KLK15: variants seen among roughly 807,000 people sequenced by gnomAD.
KLK15 encodes the protein kallikrein-15.
KLK15 carries 19 observed loss-of-function variants against 21.1 expected under a neutral mutation model. That is an observed-to-expected ratio of 0.90 (90% CI 0.63 to 1.32). The LOEUF (loss-of-function observed/expected upper bound fraction) is 1.32. Among genes scored for constraint, KLK15 ranks in the 40% most tolerant of loss-of-function variants. KLK15 has a pLI of 0.00. For missense variants in KLK15, 345 were observed against 348.6 expected, an observed-to-expected ratio of 0.99 and a Z score of 0.08; for synonymous variants, 141 against 141.5, an observed-to-expected ratio of 1.00 and a Z score of 0.03.
chr19:50,827,938 G>T, intron 1 of KLK15, 123 bp from the exon 3 acceptor site: 2 of 801,512 alleles, frequency 2.5e-6, no homozygotes, highest in African/African-American at 5.0e-5. Context: ...AAGACACCCT[G>T]CCCTGTTTTT....
intron 4 of KLK15, chr19:50,826,305 T>G: frequency 2.2e-6 from 1 of 449,710 alleles, no homozygotes; most frequent in Admixed American, 3.9e-5. Context: ...TCTTCTGCAT[T>G]CCAAACAAAA....
At chr19:50,832,698 G>A (rs891954134), upstream of KLK15, among the ~76,000 whole-genome samples, 4 of 152,060 alleles carry the variant, frequency 2.6e-5, no homozygotes, top group Admixed American at 6.5e-5. Flanking sequence ...TGTCCTAGAC[G>A]CAGCCAGTGC....
upstream of KLK15, among the ~76,000 whole-genome samples, chr19:50,831,773 C>T (rs2089989534): frequency 6.6e-6 from 1 of 152,050 alleles, no homozygotes; most frequent in African/African-American, 2.4e-5. Context: ...TGCTACCAGC[C>T]CCTGGATCTC....
At chr19:50,828,919 A>T (rs1170559531) in intron 1 of KLK15, among the ~76,000 whole-genome samples, 4 of 127,800 alleles carry the variant, frequency 3.1e-5, no homozygotes, top group African/African-American at 1.2e-4. Flanking sequence ...CAGTGAGCGG[A>T]GGTTGCTCCA....
intron 1 of KLK15, among the ~76,000 whole-genome samples, chr19:50,830,746 G>A (rs1423976538): frequency 2.0e-5 from 3 of 152,258 alleles, no homozygotes; most frequent in African/African-American, 7.2e-5. Flanking sequence ...TCAATCTGGA[G>A]TTTGCCTGAC....
At chr19:50,825,523 CA>C, downstream of KLK15, 1 of 261,408 alleles carries the variant, frequency 3.8e-6, no homozygotes, top group Non-Finnish European at 7.2e-6. Flanking sequence ...TGAAAAGGAA[CA>C]GTGTACAGTG....
intron 1 of KLK15, among the ~76,000 whole-genome samples, chr19:50,829,437 A>G (rs1700430965): frequency 6.6e-6 from 1 of 151,712 alleles, no homozygotes; most frequent in Non-Finnish European, 1.5e-5. Flanking sequence ...GTGAAAGTTC[A>G]GGTCCATCCT....
intron 1 of KLK15, among the ~76,000 whole-genome samples, chr19:50,828,613 C>T (rs997379198): frequency 1.3e-5 from 2 of 151,730 alleles, no homozygotes; most frequent in African/African-American, 2.4e-5. Context: ...CACTTAGGTA[C>T]AGCTATGGAC....
At chr19:50,831,496 G>C in exon 1 of KLK15, 15 of 1,459,952 alleles carry the variant, frequency 1.0e-5, no homozygotes, top group Non-Finnish European at 1.3e-5. Context: ...GCCACATTGT[G>C]GAGGAGGGAC....
exon 3 of KLK15, chr19:50,827,153 C>G: frequency 6.3e-7 from 1 of 1,583,758 alleles, no homozygotes; most frequent in Non-Finnish European, 8.6e-7. Context: ...CAGGCGCACT[C>G]TCATGAAGCT....
At chr19:50,831,247 C>T (rs1291297379) in intron 1 of KLK15, 3 of 415,350 alleles carry the variant, frequency 7.2e-6, no homozygotes, top group Non-Finnish European at 1.3e-5. Flanking sequence ...CAGCGAGAGG[C>T]CCCAGGCAAC....
chr19:50,827,733 A>G, exon 2 of KLK15: 1 of 1,611,258 alleles, frequency 6.2e-7, no homozygotes, highest in Non-Finnish European at 8.5e-7. Flanking sequence ...TAAAGCGTCC[A>G]CGCTCGTAGA....
upstream of KLK15, among the ~76,000 whole-genome samples, chr19:50,832,534 GCTGGTCTTGAACT>G (rs140403239): frequency 2.6e-5 from 4 of 151,398 alleles, no homozygotes; most frequent in Non-Finnish European, 2.9e-5. Flanking sequence ...TGTTGGCCAG[GCTGGTCTTGAACT>G]CCTGACCTCT....
At chr19:50,829,534 T>A (rs924262991) in intron 1 of KLK15, among the ~76,000 whole-genome samples, 2 of 151,748 alleles carry the variant, frequency 1.3e-5, no homozygotes, top group African/African-American at 4.8e-5. Flanking sequence ...CTCACGCCTG[T>A]AATCCCAGCA....
intron 4 of KLK15, 195 bp from the exon 6 acceptor site, chr19:50,826,143 G>A: frequency 3.5e-6 from 2 of 569,424 alleles, no homozygotes; most frequent in South Asian, 4.7e-5. Context: ...ATTCAACACA[G>A]CTCAATACAA....
chr19:50,829,748 C>T (rs374408036), intron 1 of KLK15, among the ~76,000 whole-genome samples: 4 of 151,854 alleles, frequency 2.6e-5, no homozygotes, highest in Admixed American at 6.6e-5. Context: ...ACCTGGGAGG[C>T]GGAGGTTGCA....
chr19:50,832,322 CTTT>C (rs773163899), upstream of KLK15, among the ~76,000 whole-genome samples: 17 of 109,436 alleles, frequency 1.6e-4, no homozygotes, highest in Admixed American at 3.1e-4. Context: ...CTTTTTTTTT[CTTT>C]TTTTTTTTTT....
At chr19:50,831,754 C>T (rs1424717753), upstream of KLK15, among the ~76,000 whole-genome samples, 2 of 152,118 alleles carry the variant, frequency 1.3e-5, no homozygotes, top group Non-Finnish European at 2.9e-5. Flanking sequence ...CTGTCAGCCT[C>T]CAGCACCATG....
exon 2 of KLK15, chr19:50,827,727 G>A: frequency 6.2e-7 from 1 of 1,611,312 alleles, no homozygotes; most frequent in South Asian, 1.1e-5. Context: ...CACAGTTAAA[G>A]CGTCCACGCT....
Sources: gnomAD v4.1 joint callset for allele counts (sites outside exome capture counted in the v4.1 genomes callset) on GRCh38, gnomAD v4.1.1 for gene constraint, MANE v1.5 for transcripts, NCBI Gene and HGNC (gene_info 2026-07-23, HGNC 2026-07-21) for gene names.